SERPINA3: variants seen among roughly 807,000 people sequenced by gnomAD.
The protein encoded by SERPINA3 is serpin family A member 3, also known as alpha-1-antichymotrypsin.
In SERPINA3, 32 loss-of-function variants were observed where a neutral mutation model predicts 26.8. That is an observed-to-expected ratio of 1.20 (90% confidence interval 0.90 to 1.61). SERPINA3 has a LOEUF of 1.61. Among genes scored for constraint, SERPINA3 ranks in the 40% most tolerant of loss-of-function variants. The pLI, the probability that SERPINA3 is intolerant of heterozygous loss-of-function variation, is 0.00. For synonymous variants in SERPINA3, 252 were observed against 206.4 expected, an observed-to-expected ratio of 1.22 and a Z score of -1.89; for missense variants, 632 against 517.9, an observed-to-expected ratio of 1.22 and a Z score of -2.14.
chr14:94,622,449 C>G lies in SERPINA3; in HGVS notation c.1026C>G (p.Asp342Glu). Reference sequence around the variant, plus strand: ...AGGAAGCCTTCACCAGCAAGGCTGACCTGTCAGGGATCACAGGGGCCAGGA... The same window carrying G: ...AGGAAGCCTTCACCAGCAAGGCTGAGCTGTCAGGGATCACAGGGGCCAGGA... Reference protein sequence around the residue: ...GIEEAFTSKADLSGITGARNL... With the variant: ...GIEEAFTSKAELSGITGARNL... The change falls in exon 4 of 5, where the codon GAC becomes GAG. Residue 342 changes from aspartate to glutamate, a missense_variant. Asp to Glu is a conservative substitution (Grantham distance 45). Coordinates refer to ENST00000393078, the MANE Select transcript of SERPINA3 (RefSeq NM_001085.5). 6.2e-7 allele frequency: 1 copy of G among 1,614,154 alleles called. No individual in the cohort carries two copies.
intron 2 of SERPINA3, chr14:94,618,771 C>CAT: frequency 3.7e-6 from 1 of 271,330 alleles, no homozygotes; most frequent in Non-Finnish European, 7.2e-6. Context: ...TCCCACAAGC[C>CAT]ACTGTTATAT....
rs1382321983 is a variant in SERPINA3 at position 94,623,746 on chromosome 14, A to G, written c.1204A>G (p.Ile402Val). ...GCGTTTCAACAGGCCCTTCCTGATG[A>G]TCATTGTCCCTACAGACACCCAGAA... ...IVRFNRPFLM[I>V]IVPTDTQNIF... Residue 402 changes from isoleucine to valine, a missense_variant, in exon 5 of 5, where the codon ATC becomes GTC. By Grantham distance (29) the Ile-to-Val change is conservative. Transcript: ENST00000393078. 1 of 1,614,158 alleles carries G rather than the reference A, an allele frequency of 6.2e-7. No individual in the cohort carries two copies. The highest frequency in any genetic ancestry group is 8.5e-7 in the Non-Finnish European group (1 of 1,180,030).
In SERPINA3 at chr14:94,614,415, A is replaced by T; in HGVS notation, c.-8-19A>T. On this transcript the variant is annotated intron_variant, in intron 1 of 4. Coordinates refer to ENST00000393078, the MANE Select transcript of SERPINA3 (RefSeq NM_001085.5). ...GCTCCATCTGGCCCTCTGAGACTTA[A>T]AGGAGCTTTGCTTTTCAGAGTTGAG... is the stretch of plus-strand genomic sequence containing the variant. The T allele has an allele frequency of 6.2e-6, 10 of 1,610,420 alleles. No homozygotes were observed. Among genetic ancestry groups the T allele is most frequent in the Non-Finnish European group, 8.5e-6 (10 of 1,179,876 alleles).
rs1047504135 is a variant in SERPINA3, at chr14:94,614,848, G to A, written c.407G>A (p.Ser136Asn). Residue 136 changes from serine (S) to asparagine (N), a missense_variant, in exon 2 of 5, where the codon AGT (serine) becomes AAT (asparagine). Physicochemically the swap from Ser to Asn is conservative, Grantham distance 46. Coordinates refer to ENST00000393078, the MANE Select transcript of SERPINA3 (RefSeq NM_001085.5). ...LNQSSDELQL[S>N]MGNAMFVKEQ... Reference sequence around the variant, plus strand: ...CAGTCCAGCGATGAGCTGCAGCTGAGTATGGGAAATGCCATGTTTGTCAAA... The same window carrying A: ...CAGTCCAGCGATGAGCTGCAGCTGAATATGGGAAATGCCATGTTTGTCAAA... 4 of 1,614,082 alleles carry A rather than the reference G, an allele frequency of 2.5e-6. No homozygotes were observed. The African/African-American group carries it at 4.0e-5, about 16-fold the overall frequency.
chr14:94,620,950 A>T (rs544338309), intron 3 of SERPINA3, among the ~76,000 whole-genome samples: 37 of 152,168 alleles, frequency 2.4e-4, no homozygotes, highest in African/African-American at 8.4e-4. Context: ...GAGCTCAGCT[A>T]CCTCCTGAAG....
chr14:94,620,216 A>G (rs1224692859), intron 3 of SERPINA3, among the ~76,000 whole-genome samples: 1 of 152,126 alleles, frequency 6.6e-6, no homozygotes. Context: ...TATATTAGGG[A>G]AAAGCATTCC....
At chr14:94,619,005 C>G (rs1284521876) in intron 2 of SERPINA3, 190 bp from the exon 3 acceptor site, 2 of 662,742 alleles carry the variant, frequency 3.0e-6, no homozygotes, top group East Asian at 5.4e-5. Context: ...TTTTGTGGCC[C>G]TTTTCCCAAT....
chr14:94,614,308 AG>A (rs2139952684), intron 1 of SERPINA3, 125 bp from the exon 2 acceptor site: 5 of 906,184 alleles, frequency 5.5e-6, no homozygotes, highest in South Asian at 5.5e-5. Context: ...CACCTACCTG[AG>A]GGAGGCTCCA....
At chr14:94,622,238 G>T (rs1050458405) in intron 3 of SERPINA3, 103 bp from the exon 4 acceptor site, 2 of 996,388 alleles carry the variant, frequency 2.0e-6, no homozygotes, top group Non-Finnish European at 3.2e-6. Context: ...CAATCAGAAG[G>T]GGGTGACTGT....
At chr14:94,612,522 G>C (rs529263893) in intron 1 of SERPINA3, 75 bp downstream of exon 1, 21 of 879,662 alleles carry the variant, frequency 2.4e-5, no homozygotes, top group Non-Finnish European at 3.3e-5. Context: ...GCAGCCTGGA[G>C]TGTGTGGAGT....
At chr14:94,619,544 G>C in intron 3 of SERPINA3, 76 bp downstream of exon 3, 1 of 1,572,870 alleles carries the variant, frequency 6.4e-7, no homozygotes, top group Non-Finnish European at 8.7e-7. Context: ...ACAAGGGCAT[G>C]GTGGTGGGAG....
intron 3 of SERPINA3, among the ~76,000 whole-genome samples, chr14:94,621,306 A>C (rs1193438580): frequency 6.6e-6 from 1 of 152,200 alleles, no homozygotes; most frequent in Non-Finnish European, 1.5e-5. Context: ...GAATTCTCCA[A>C]ACACTTTTGA....
At position 94,623,915 on chromosome 14, in the gene SERPINA3, A is replaced by C; in HGVS notation, c.*101A>C. ...CCTGGCCCCTGTGCACCGAGTGGCC[A>C]TGGCATGTGTGGCCCTGTCTGCTTA... On this transcript the variant is annotated 3_prime_UTR_variant, in exon 5 of 5. Transcript: ENST00000393078. The C allele has an allele frequency of 9.6e-7, 1 of 1,040,768 alleles. No homozygotes were observed. Among genetic ancestry groups the C allele is most frequent in the South Asian group, 1.3e-5 (1 of 79,228 alleles). 64.5% of individuals were successfully genotyped at this position (1,040,768 alleles called of 1,614,324 possible). A position where few individuals can be genotyped will look rare whatever the true frequency, so the allele number is the denominator to read the frequency against.
rs1469951475 is a variant in SERPINA3, at chr14:94,623,656, G to A, written c.1114G>A (p.Ala372Thr). Reference protein sequence around the residue: ...VLDVFEEGTEASAATAVKITL... With the variant: ...VLDVFEEGTETSAATAVKITL... The stretch of plus-strand genomic sequence containing the variant: ...TGATGTATTTGAGGAGGGCACAGAA[G>A]CATCTGCTGCCACAGCAGTCAAAAT... Residue 372 changes from alanine to threonine, a missense_variant, in exon 5 of 5, where the codon GCA becomes ACA. Coordinates refer to ENST00000393078, the MANE Select transcript of SERPINA3 (RefSeq NM_001085.5). 6.2e-7 allele frequency: 1 copy of A among 1,614,170 alleles called. No individual in the cohort carries two copies. Among genetic ancestry groups the A allele is most frequent in the Non-Finnish European group, 8.5e-7 (1 of 1,180,034 alleles).
chr14:94,622,673 C>A (rs1046403406), intron 4 of SERPINA3, 182 bp downstream of exon 4: 7 of 689,438 alleles, frequency 1.0e-5, no homozygotes, highest in Admixed American at 4.2e-5. Context: ...CTCCTCCTGC[C>A]GTGTTAGGGG....
rs1247687087 is a variant in SERPINA3 at position 94,619,392 on chromosome 14, C to G, written c.841C>G (p.Gln281Glu). The change falls in exon 3 of 5, where the codon CAA becomes GAA. Residue 281 changes from glutamine to glutamate, a missense_variant. By Grantham distance (29) the Gln-to-Glu change is conservative. Coordinates refer to ENST00000393078, the MANE Select transcript of SERPINA3 (RefSeq NM_001085.5). ...CAGCGCACTCTTCATCCTCCCTGAT[C>G]AAGACAAGATGGAGGAAGTGGAAGC... is the stretch of plus-strand genomic sequence containing the variant. ...NASALFILPD[Q>E]DKMEEVEAML... 1 of 1,613,936 alleles carries G rather than the reference C, an allele frequency of 6.2e-7. No individual in the cohort carries two copies. Among genetic ancestry groups the G allele is most frequent in the African/African-American group, 1.3e-5 (1 of 74,916 alleles).
intron 2 of SERPINA3, 68 bp from the exon 3 acceptor site, chr14:94,619,127 G>A: frequency 6.3e-7 from 1 of 1,586,710 alleles, no homozygotes; most frequent in Non-Finnish European, 8.6e-7. Flanking sequence ...TTCCACTGCT[G>A]CGGAAGCAGG....
chr14:94,619,084 A>G, intron 2 of SERPINA3, 111 bp from the exon 3 acceptor site: 2 of 1,242,266 alleles, frequency 1.6e-6, no homozygotes, highest in Non-Finnish European at 2.4e-6. Flanking sequence ...TCTAAACCAA[A>G]GCAGGGTCCC....
chr14:94,616,602 C>T (rs986362867), intron 2 of SERPINA3, among the ~76,000 whole-genome samples: 1 of 152,154 alleles, frequency 6.6e-6, no homozygotes, highest in African/African-American at 2.4e-5. Context: ...CAAGGATTGA[C>T]TCACCCAGTG....
Sources: allele counts gnomAD v4.1 joint callset (sites outside exome capture counted in the v4.1 genomes callset), GRCh38; gene constraint gnomAD v4.1.1; transcripts MANE v1.5; gene names NCBI Gene and HGNC (gene_info 2026-07-23, HGNC 2026-07-21).